TSNAXIP1: variants seen among roughly 807,000 people sequenced by gnomAD.
TSNAXIP1 encodes the protein translin associated factor X interacting protein 1.
Under a neutral mutation model 84.8 loss-of-function variants are expected in TSNAXIP1, and 89 were observed. That is an observed-to-expected ratio of 1.05 (90% CI 0.88 to 1.25). The LOEUF (loss-of-function observed/expected upper bound fraction) is 1.25, where lower values mean the gene tolerates loss of function less well. TSNAXIP1 is among the 50% of genes most tolerant of loss of function. TSNAXIP1 has a pLI of 0.00. For synonymous variants in TSNAXIP1, 347 were observed against 335.2 expected, an observed-to-expected ratio of 1.04 and a Z score of -0.39; for missense variants, 874 against 887.6, an observed-to-expected ratio of 0.98 and a Z score of 0.20.
intron 2 of TSNAXIP1, 98 bp from the exon 3 acceptor site, chr16:67,820,741 C>CA (rs879145775): frequency 0.056 from 39,569 of 704,474 alleles, 1 homozygote; most frequent in Non-Finnish European, 0.061. Flanking sequence ...AAGACTGTCT[C>CA]AAAAAAAAAA....
At chr16:67,814,666 C>T (rs981552934) in intron 2 of TSNAXIP1, among the ~76,000 whole-genome samples, 8 of 152,152 alleles carry the variant, frequency 5.3e-5, no homozygotes, top group African/African-American at 1.9e-4. Flanking sequence ...CGCCTCTGCC[C>T]ACAGACATCC....
chr16:67,825,303 C>T, intron 7 of TSNAXIP1, 31 bp downstream of exon 7: 2 of 1,612,414 alleles, frequency 1.2e-6, no homozygotes, highest in Admixed American at 1.7e-5. Context: ...GGGTTTCTCT[C>T]TTCTCTGAGA....
Position 67,815,023 on chromosome 16 carries a change from T to TA in TSNAXIP1, c.147+633dup, listed in dbSNP as rs979329190. ...ATCAGAAGAGAAATGAAATTTAAAT[T>TA]AAAAAAAAAAAGAGCCGGGCGCAGT... is the stretch of plus-strand genomic sequence containing the variant. On this transcript the variant is annotated intron_variant, in intron 2 of 15. Coordinates refer to ENST00000561639, the MANE Select transcript of TSNAXIP1 (RefSeq NM_001288990.3). Among the ~76,000 whole-genome samples the TA allele has an allele frequency of 6.0e-3, 858 of 143,822 alleles. 8 individuals carry two copies. Among genetic ancestry groups the TA allele is most frequent in the African/African-American group, 0.011 (435 of 39,350 alleles). The allele number at this position is 143,822 out of a possible 152,430, so 94.4% of individuals were successfully genotyped here. A position where few individuals can be genotyped will look rare whatever the true frequency, so the allele number is the denominator to read the frequency against.
chr16:67,818,389 C>T (rs2056765776), intron 2 of TSNAXIP1, among the ~76,000 whole-genome samples: 2 of 152,024 alleles, frequency 1.3e-5, no homozygotes, highest in African/African-American at 4.8e-5. Context: ...TGGTGGTGTG[C>T]CCATGTAGTC....
In TSNAXIP1 at chr16:67,827,383, T is replaced by C. The variant is rs376794502; in HGVS notation, c.1791+8T>C. On this transcript the variant is annotated splice_region_variant and intron_variant, in intron 14 of 15. Coordinates refer to ENST00000561639, the MANE Select transcript of TSNAXIP1 (RefSeq NM_001288990.3). ...CGCTCACTGTTTATGGAGGTGGGTG[T>C]GTGGGGTCCGGGGACTGGCCTGGCC... 17 of 1,614,058 alleles carry C rather than the reference T, an allele frequency of 1.1e-5. 1 individual carries two copies. In the African/African-American group the frequency reaches 2.3e-4, roughly 22 times the overall value.
chr16:67,812,234 G>A (rs2151197590), intron 1 of TSNAXIP1, among the ~76,000 whole-genome samples: 1 of 152,234 alleles, frequency 6.6e-6, no homozygotes, highest in East Asian at 1.9e-4. Flanking sequence ...GCCCACAGTA[G>A]CCCTTCCTGT....
chr16:67,819,752 A>T (rs1374807219), intron 2 of TSNAXIP1, among the ~76,000 whole-genome samples: 1 of 145,314 alleles, frequency 6.9e-6, no homozygotes, highest in Non-Finnish European at 1.5e-5. Context: ...GGTTCAAGGG[A>T]TTCTCCTGCC....
chr16:67,814,182 A>G, intron 1 of TSNAXIP1, 120 bp from the exon 2 acceptor site: 1 of 737,984 alleles, frequency 1.4e-6, no homozygotes, highest in Non-Finnish European at 2.2e-6. Context: ...GGGAATCCGG[A>G]GGCAGCACCC....
Position 67,825,968 on chromosome 16 carries a change from C to T in TSNAXIP1, c.1036C>T (p.Leu346Phe). ...GGAGGTTCGCAAGGAGCATGAGATCCTCATGCAGCTGCACATGAGCACGCT... is the reference window on the plus strand; with the variant it reads ...GGAGGTTCGCAAGGAGCATGAGATCTTCATGCAGCTGCACATGAGCACGCT... ...YEEVRKEHEI[L>F]MQLHMSTLKE... The change falls in exon 9 of 16, where the codon CTC becomes TTC. Residue 346 changes from leucine (L) to phenylalanine (F), a missense_variant. Coordinates refer to ENST00000561639, the MANE Select transcript of TSNAXIP1 (RefSeq NM_001288990.3). 3 of 1,614,136 alleles carry T rather than the reference C, an allele frequency of 1.9e-6. No individual in the cohort carries two copies. Among genetic ancestry groups the T allele is most frequent in the Non-Finnish European group, 2.5e-6 (3 of 1,180,028 alleles).
intron 15 of TSNAXIP1, 25 bp downstream of exon 15, chr16:67,827,604 A>T (rs1283687642): frequency 1.9e-6 from 3 of 1,613,544 alleles, no homozygotes; most frequent in Non-Finnish European, 2.5e-6. Flanking sequence ...TCCATAGGCG[A>T]GTCCCACAGG....
chr16:67,827,022 G>T lies in TSNAXIP1; in HGVS notation c.1614G>T (p.Met538Ile). 1 of 1,614,132 alleles carries T rather than the reference G, an allele frequency of 6.2e-7. No homozygotes were observed. Among genetic ancestry groups the T allele is most frequent in the South Asian group, 1.1e-5 (1 of 91,054 alleles). Residue 538 changes from methionine to isoleucine, a missense_variant, in exon 13 of 16, where the codon ATG becomes ATT. Transcript: ENST00000561639. The stretch of plus-strand genomic sequence containing the variant: ...CAGTAGCCCAGCTGCTGAAGGAGAT[G>T]ACAAATGCTGACAGTCAGAACGAGG... ...KETVAQLLKE[M>I]TNADSQNEGL...
At chr16:67,823,988 C>T (rs1433896317) in intron 5 of TSNAXIP1, among the ~76,000 whole-genome samples, 1 of 135,660 alleles carries the variant, frequency 7.4e-6, no homozygotes, top group Admixed American at 8.7e-5. Context: ...CACCGCACTC[C>T]AGCCTGGGCA....
intron 1 of TSNAXIP1, among the ~76,000 whole-genome samples, chr16:67,811,361 C>T (rs2056062208): frequency 6.6e-6 from 1 of 151,962 alleles, no homozygotes; most frequent in Non-Finnish European, 1.5e-5. Flanking sequence ...ATAGAATTCC[C>T]CAATTTTCTT....
At chr16:67,818,304 C>A (rs1364426620) in intron 2 of TSNAXIP1, among the ~76,000 whole-genome samples, 1 of 152,152 alleles carries the variant, frequency 6.6e-6, no homozygotes, top group Non-Finnish European at 1.5e-5. Context: ...TGCTTGAGAC[C>A]AGGAGTTTGA....
intron 2 of TSNAXIP1, among the ~76,000 whole-genome samples, chr16:67,817,268 G>A (rs1222788317): frequency 2.0e-5 from 3 of 151,526 alleles, no homozygotes; most frequent in African/African-American, 4.8e-5. Context: ...TCCTGCCACA[G>A]TCTCCTGAGT....
At chr16:67,812,989 C>T (rs1027658865) in intron 1 of TSNAXIP1, among the ~76,000 whole-genome samples, 24 of 152,038 alleles carry the variant, frequency 1.6e-4, no homozygotes, top group Non-Finnish European at 2.1e-4. Context: ...GGTGCAATCT[C>T]GGCTCACTGC....
At position 67,814,281 on chromosome 16, in the gene TSNAXIP1, AG is replaced by A; in HGVS notation, c.48-20del. ...ACTCTGGACTCTGTCACCCACCATC[AG>A]CTTTCCCTTCTCTGTGCAGATTACA... On this transcript the variant is annotated intron_variant, in intron 1 of 15. Transcript: ENST00000561639. 1 of 1,521,682 alleles carries A rather than the reference AG, an allele frequency of 6.6e-7. No individual in the cohort carries two copies. The highest frequency in any genetic ancestry group is 8.8e-7 in the Non-Finnish European group (1 of 1,133,898). 94.3% of individuals were successfully genotyped at this position (1,521,682 alleles called of 1,614,324 possible). A position where few individuals can be genotyped will look rare whatever the true frequency, so the allele number is the denominator to read the frequency against.
chr16:67,808,482 G>A (rs962876593), intron 1 of TSNAXIP1, among the ~76,000 whole-genome samples: 5 of 152,164 alleles, frequency 3.3e-5, no homozygotes, highest in African/African-American at 1.2e-4. Flanking sequence ...GCTGAGGCAG[G>A]AGAATGGCAT....
chr16:67,807,579 C>T (rs934244820), intron 1 of TSNAXIP1: 3 of 369,174 alleles, frequency 8.1e-6, no homozygotes, highest in Non-Finnish European at 1.0e-5. Context: ...ATCCTTCTAC[C>T]TCAGCCTCCC....
Sources: allele counts gnomAD v4.1 joint callset (sites outside exome capture counted in the v4.1 genomes callset), GRCh38; gene constraint gnomAD v4.1.1; transcripts MANE v1.5; gene names NCBI Gene and HGNC (gene_info 2026-07-23, HGNC 2026-07-21).